The following ALKBH8 variants were observed in gnomAD, a reference collection of about 807,000 sequenced individuals.
ALKBH8 encodes tRNA (carboxymethyluridine(34)-5-O)-methyltransferase ALKBH8.
ALKBH8 carries 36 observed loss-of-function variants against 59.8 expected under a neutral mutation model. The ratio of observed to expected loss-of-function variants is 0.60; its 90% CI spans 0.46 to 0.79. ALKBH8 has a LOEUF of 0.79. Among genes scored for constraint, ALKBH8 ranks in the 30% least tolerant of loss-of-function variants. ALKBH8 has a pLI of 0.00. For synonymous variants in ALKBH8, 276 were observed against 273.6 expected (o/e 1.01, Z -0.09); for missense variants, 768 against 801.0 (o/e 0.96, Z 0.50).
In ALKBH8 at chr11:107,506,968, T is replaced by C. The variant is rs1176550806; in HGVS notation, c.1438-1753A>G. On this transcript the variant is annotated intron_variant, in intron 11 of 11. Coordinates refer to ENST00000428149, the MANE Select transcript of ALKBH8 (RefSeq NM_138775.3). ...GCAATAAAGGGCAGAAGGGGTTAAA[T>C]GTTATTAATGAAGTCTTACATTGTC... Among the ~76,000 whole-genome samples the C allele has an allele frequency of 5.3e-5, 8 of 149,636 alleles. No individual in the cohort carries two copies. The East Asian group carries it at 1.6e-3, about 29-fold the overall frequency.
rs546072293 is a variant in ALKBH8, at chr11:107,557,087, A to T, written c.130-84T>A. On this transcript the variant is annotated intron_variant, in intron 2 of 11. Transcript: ENST00000428149. The stretch of plus-strand genomic sequence containing the variant: ...TTTGTTTTAAAATAAGATTTTTTTT[A>T]AAAAAGATGTAATTAAGAAAAAAAA... The T allele has an allele frequency of 2.9e-4, 299 of 1,025,428 alleles. 1 individual carries two copies. Among genetic ancestry groups the T allele is most frequent in the African/African-American group, 1.9e-3 (111 of 59,648 alleles). The allele number at this position is 1,025,428 out of a possible 1,614,324, so 63.5% of individuals were successfully genotyped here.
In ALKBH8 at chr11:107,553,944, T is replaced by C. The variant is rs147810465; in HGVS notation, c.402A>G (p.Pro134=). Residue 134 remains proline (P), a synonymous_variant, in exon 4 of 12, where the codon CCA becomes CCG. Transcript: ENST00000428149. ...QWKELRPQAL[P]PGLMVVEEII... is the part of the protein sequence containing the mutation. ...TTTCTTCTACTACCATGAGTCCTGGTGGTAAGGCTTGAGGCCTCAACTCCT... is the reference window on the plus strand; with the variant it reads ...TTTCTTCTACTACCATGAGTCCTGGCGGTAAGGCTTGAGGCCTCAACTCCT... 9 of 1,613,764 alleles carry C rather than the reference T, an allele frequency of 5.6e-6. No homozygotes were observed. In the African/African-American group the frequency reaches 8.0e-5, roughly 14 times the overall value.
intron 1 of ALKBH8, among the ~76,000 whole-genome samples, chr11:107,564,261 T>C (rs1357645615): frequency 1.3e-5 from 2 of 152,180 alleles, no homozygotes; most frequent in Non-Finnish European, 2.9e-5. Context: ...CTACTAGATA[T>C]TGCCCTACGT....
At position 107,505,193 on chromosome 11, in the gene ALKBH8, T is replaced by C; in HGVS notation, c.1460A>G (p.Gln487Arg). ...ATAERRVAALQEIVRLLRPGG... is the reference protein window; with the variant it reads ...ATAERRVAALREIVRLLRPGG... ...TGGTCTCAGGAGTCGAACAATTTCT[T>C]GGAGAGCTGCCACTCTACGCTCCTA... The change falls in exon 12 of 12, where the codon CAA becomes CGA. Residue 487 changes from glutamine to arginine, a missense_variant. Gln to Arg is a conservative substitution (Grantham distance 43, BLOSUM62 1). Transcript: ENST00000428149. 6.5e-7 allele frequency: 1 copy of C among 1,546,884 alleles called. No homozygotes were observed. The highest frequency in any genetic ancestry group is 2.4e-5 in the East Asian group (1 of 40,884).
At chr11:107,534,179 G>A (rs1039209227) in intron 7 of ALKBH8, among the ~76,000 whole-genome samples, 1 of 151,900 alleles carries the variant, frequency 6.6e-6, no homozygotes, top group Non-Finnish European at 1.5e-5. Context: ...ATTGTTGGGG[G>A]GAAATGGGAA....
At chr11:107,562,897 G>A (rs2135599619) in intron 1 of ALKBH8, 1 of 152,374 alleles carries the variant, frequency 6.6e-6, no homozygotes, top group South Asian at 2.1e-4. Context: ...GAATCAAGAG[G>A]CCTCGATGAC....
chr11:107,518,163 A>T (rs187285670), intron 10 of ALKBH8, among the ~76,000 whole-genome samples: 15 of 152,366 alleles, frequency 9.8e-5, no homozygotes, highest in African/African-American at 3.6e-4. Flanking sequence ...TGAGTTATCA[A>T]ATTATTGCAC....
At chr11:107,514,590 C>G (rs1353739674) in intron 10 of ALKBH8, among the ~76,000 whole-genome samples, 2 of 152,138 alleles carry the variant, frequency 1.3e-5, no homozygotes, top group African/African-American at 4.8e-5. Flanking sequence ...AAGATACATG[C>G]CTGGATTCTT....
chr11:107,534,769 T>TC (rs59588770), intron 7 of ALKBH8, among the ~76,000 whole-genome samples: 3 of 151,732 alleles, frequency 2.0e-5, no homozygotes, highest in Non-Finnish European at 4.4e-5. Context: ...TTTTTTTTTT[T>TC]CTCAATAGGT....
At chr11:107,563,728 G>A (rs562093991) in intron 1 of ALKBH8, 1 of 152,284 alleles carries the variant, frequency 6.6e-6, no homozygotes, top group Non-Finnish European at 1.5e-5. Flanking sequence ...TATTTCACAT[G>A]AGCAAACACT....
chr11:107,520,280 A>C (rs993948162), intron 10 of ALKBH8, among the ~76,000 whole-genome samples: 1 of 152,236 alleles, frequency 6.6e-6, no homozygotes, highest in Admixed American at 6.5e-5. Flanking sequence ...AACAACAGAC[A>C]GGAAAGAATT....
chr11:107,552,834 C>T (rs543757522), intron 5 of ALKBH8, among the ~76,000 whole-genome samples: 5 of 152,066 alleles, frequency 3.3e-5, no homozygotes, highest in Admixed American at 6.5e-5. Context: ...AAATGTCTAT[C>T]GATAGAGAAC....
At chr11:107,545,617 A>G (rs975998237) in intron 7 of ALKBH8, among the ~76,000 whole-genome samples, 1 of 152,172 alleles carries the variant, frequency 6.6e-6, no homozygotes, top group Non-Finnish European at 1.5e-5. Flanking sequence ...AGTCATCATA[A>G]TAAGAAATAT....
intron 3 of ALKBH8, 97 bp downstream of exon 3, chr11:107,556,669 T>G (rs1864725650): frequency 1.2e-6 from 1 of 833,736 alleles, no homozygotes; most frequent in Admixed American, 3.3e-5. Context: ...ACCTGCTTCC[T>G]CATTTTGTTT....
chr11:107,517,710 C>T (rs116848631), intron 10 of ALKBH8, among the ~76,000 whole-genome samples: 1,772 of 152,198 alleles, frequency 0.012, 8 homozygotes, highest in Non-Finnish European at 0.018. Flanking sequence ...TCCAAAAATG[C>T]GACTTCATAG....
At chr11:107,515,668 A>G (rs2135484670) in intron 10 of ALKBH8, among the ~76,000 whole-genome samples, 1 of 152,312 alleles carries the variant, frequency 6.6e-6, no homozygotes, top group South Asian at 2.1e-4. Flanking sequence ...ATACTTTTAT[A>G]TAATTTTTAA....
chr11:107,529,590 C>T (rs938408990), intron 8 of ALKBH8, among the ~76,000 whole-genome samples: 19 of 151,928 alleles, frequency 1.3e-4, no homozygotes, highest in African/African-American at 4.1e-4. Flanking sequence ...CTGCAACCTC[C>T]GCCTCCCGGG....
At chr11:107,564,812 G>C (rs991660235) in intron 1 of ALKBH8, among the ~76,000 whole-genome samples, 3 of 152,162 alleles carry the variant, frequency 2.0e-5, no homozygotes, top group African/African-American at 7.2e-5. Flanking sequence ...CCATGAAGTA[G>C]AGATTTTGTC....
In ALKBH8 at chr11:107,547,629, G is replaced by A. The variant is rs536110128; in HGVS notation, c.771+2124C>T. Among the ~76,000 whole-genome samples the A allele has an allele frequency of 1.1e-4, 17 of 151,972 alleles. No individual in the cohort carries two copies. In the East Asian group the frequency reaches 2.7e-3, roughly 24 times the overall value. On this transcript the variant is annotated intron_variant, in intron 7 of 11. Coordinates refer to ENST00000428149, the MANE Select transcript of ALKBH8 (RefSeq NM_138775.3). ...TGGACTGTTTTAAATAGTATTATAA[G>A]CTGAAACAAACATTATAAACTTAAA...
Sources: gnomAD v4.1 joint callset for allele counts (sites outside exome capture counted in the v4.1 genomes callset) on GRCh38, gnomAD v4.1.1 for gene constraint, MANE v1.5 for transcripts, NCBI Gene and HGNC (gene_info 2026-07-23, HGNC 2026-07-21) for gene names.